FLT1: variants seen among roughly 807,000 people sequenced by gnomAD.
The protein encoded by FLT1 is vascular endothelial growth factor receptor 1.
A neutral mutation model predicts 156.3 loss-of-function variants in FLT1; 49 were observed. The ratio of observed to expected loss-of-function variants is 0.31; its 90% CI spans 0.25 to 0.40. The LOEUF is 0.40. FLT1 is among the 10% of genes least tolerant of loss of function. FLT1 has a pLI of 1.00. For missense variants in FLT1, 1,322 were observed against 1,637.2 expected, an observed-to-expected ratio of 0.81 and a Z score of 3.32; for synonymous variants, 594 against 583.8, an observed-to-expected ratio of 1.02 and a Z score of -0.25.
At chr13:28,432,127 C>T (rs1158153533) in intron 6 of FLT1, among the ~76,000 whole-genome samples, 1 of 151,796 alleles carries the variant, frequency 6.6e-6, no homozygotes, top group South Asian at 2.1e-4. Flanking sequence ...TTTTTAAGCA[C>T]TATATTTTAT....
rs374690670 is a variant in FLT1, at chr13:28,402,940, C to T, written c.1551+2840G>A. On this transcript the variant is annotated intron_variant, in intron 11 of 29. Coordinates refer to ENST00000282397, the MANE Select transcript of FLT1 (RefSeq NM_002019.4). ...GAGTAGCTGGGATTACCACTACGCCCGGCTAATTTTTGTATTGCTAGTAGA... is the reference window on the plus strand; with the variant it reads ...GAGTAGCTGGGATTACCACTACGCCTGGCTAATTTTTGTATTGCTAGTAGA... 3.5e-4 allele frequency among the ~76,000 whole-genome samples: 53 copies of T among 152,116 alleles called. No individual in the cohort carries two copies. In the East Asian group the frequency reaches 7.1e-3, roughly 21 times the overall value.
chr13:28,305,229 A>G (rs950533503), intron 29 of FLT1, among the ~76,000 whole-genome samples: 2 of 152,070 alleles, frequency 1.3e-5, no homozygotes, highest in South Asian at 2.1e-4. Context: ...GTGGTATCTT[A>G]TGGTAATTTC....
chr13:28,472,989 C>A, intron 1 of FLT1, among the ~76,000 whole-genome samples: 1 of 152,030 alleles, frequency 6.6e-6, no homozygotes, highest in East Asian at 1.9e-4. Flanking sequence ...GACCAATAAG[C>A]CCATGAAAAG....
intron 25 of FLT1, among the ~76,000 whole-genome samples, chr13:28,317,258 C>A (rs1419584565): frequency 6.6e-6 from 1 of 152,200 alleles, no homozygotes; most frequent in Non-Finnish European, 1.5e-5. Flanking sequence ...CTTGAAAAGT[C>A]ATGTCAGTGG....
chr13:28,451,174 G>A (rs1878911995), intron 3 of FLT1, among the ~76,000 whole-genome samples: 1 of 152,204 alleles, frequency 6.6e-6, no homozygotes, highest in Non-Finnish European at 1.5e-5. Context: ...TGTCATCCTA[G>A]CACTTTGGGA....
In FLT1 at chr13:28,302,124, A is replaced by T. The variant is rs778003196; in HGVS notation, c.*1043T>A. On this transcript the variant is annotated 3_prime_UTR_variant, in exon 30 of 30. Transcript: ENST00000282397. ...TTTTCCTCCATCAGCCCTCGTTTTG[A>T]TATGGAGAAAACTCCTCTCCTCAGG... 3.1e-5 allele frequency: 7 copies of T among 225,974 alleles called. No homozygotes were observed. Among genetic ancestry groups the T allele is most frequent in the Non-Finnish European group, 5.1e-5 (6 of 117,478 alleles). 14.0% of individuals were successfully genotyped at this position (225,974 alleles called of 1,614,324 possible).
Position 28,322,813 on chromosome 13 carries a change from A to C in FLT1, c.2930T>G (p.Leu977Arg). Residue 977 changes from leucine to arginine, a missense_variant, in exon 21 of 30, where the codon CTG becomes CGG. By Grantham distance (102) the Leu-to-Arg change is moderately radical. This residue lies in a region of FLT1 where 991 missense variants were observed against 1,254.8 expected (regional missense o/e 0.79). Coordinates refer to ENST00000282397, the MANE Select transcript of FLT1 (RefSeq NM_002019.4). This position sits in a 1 kb window ranked among gnomAD's most constrained non-coding sequence, Gnocchi z 4.3. ...ASSGFQEDKS[L>R]SDVEEEEDSD... ...ACCCTCCTCTTCCTCAACATCACTCAGACTTTTATCTTCCTGAAAGCCGGA... is the reference window on the plus strand; with the variant it reads ...ACCCTCCTCTTCCTCAACATCACTCCGACTTTTATCTTCCTGAAAGCCGGA... 1 of 1,614,132 alleles carries C rather than the reference A, an allele frequency of 6.2e-7. No homozygotes were observed. The highest frequency in any genetic ancestry group is 8.5e-7 in the Non-Finnish European group (1 of 1,180,032).
chr13:28,325,413 C>A (rs906553640), intron 20 of FLT1, among the ~76,000 whole-genome samples: 3 of 152,200 alleles, frequency 2.0e-5, no homozygotes, highest in Admixed American at 1.3e-4. Flanking sequence ...TCTGACTTCA[C>A]CTCATGGTAG....
chr13:28,453,767 T>C (rs1358941114), intron 3 of FLT1, among the ~76,000 whole-genome samples: 1 of 152,224 alleles, frequency 6.6e-6, no homozygotes, highest in Non-Finnish European at 1.5e-5. Context: ...AAGACTAATA[T>C]ACTTAAAAAT....
At chr13:28,482,145 T>C (rs1880889112) in intron 1 of FLT1, among the ~76,000 whole-genome samples, 1 of 152,192 alleles carries the variant, frequency 6.6e-6, no homozygotes, top group Non-Finnish European at 1.5e-5. Flanking sequence ...TTTTTCCTCA[T>C]GCAGTTGTGG....
Position 28,309,253 on chromosome 13 carries a change from A to G in FLT1, c.3636-326T>C, listed in dbSNP as rs61763565. Among the ~76,000 whole-genome samples the G allele has an allele frequency of 3.3e-3, 498 of 152,280 alleles. 2 individuals are homozygous for G. The highest frequency in any genetic ancestry group is 0.012 in the African/African-American group (481 of 41,556). ...CTGAGTGCCCAATGGCACAGGAGAG[A>G]AATGATGTGCAGGGAAGTGGTATGA... On this transcript the variant is annotated intron_variant, in intron 27 of 29. Coordinates refer to ENST00000282397, the MANE Select transcript of FLT1 (RefSeq NM_002019.4).
At chr13:28,363,469 C>T (rs144951733) in intron 14 of FLT1, among the ~76,000 whole-genome samples, 151 of 152,220 alleles carry the variant, frequency 9.9e-4, no homozygotes, top group African/African-American at 3.1e-3. Context: ...TTTCCACATG[C>T]ATGTTTTTGT....
At chr13:28,324,028 T>G (rs943081427) in intron 20 of FLT1, among the ~76,000 whole-genome samples, 3 of 152,228 alleles carry the variant, frequency 2.0e-5, no homozygotes, top group African/African-American at 7.2e-5. Flanking sequence ...ACCTTACTTT[T>G]CTGAGTTTAA....
intron 22 of FLT1, among the ~76,000 whole-genome samples, chr13:28,321,905 T>C (rs976820440): frequency 5.3e-5 from 8 of 152,254 alleles, no homozygotes; most frequent in Non-Finnish European, 8.8e-5. Flanking sequence ...TTTCTCCAGC[T>C]GCAGTTTTGT....
At chr13:28,478,014 A>AT (rs1880646634) in intron 1 of FLT1, among the ~76,000 whole-genome samples, 1 of 152,136 alleles carries the variant, frequency 6.6e-6, no homozygotes, top group Non-Finnish European at 1.5e-5. Context: ...TAGTTTGTTA[A>AT]TTTTTTATCA....
chr13:28,462,287 A>G (rs1184554400), intron 3 of FLT1, among the ~76,000 whole-genome samples: 2 of 152,186 alleles, frequency 1.3e-5, no homozygotes, highest in African/African-American at 2.4e-5. Flanking sequence ...AATATTTTCA[A>G]TGAAATCCTC....
intron 15 of FLT1, among the ~76,000 whole-genome samples, chr13:28,353,011 A>T (rs538351762): frequency 2.6e-5 from 4 of 152,316 alleles, no homozygotes; most frequent in African/African-American, 9.6e-5. Context: ...GATTTAATTT[A>T]TTAGGGAACA....
intron 3 of FLT1, among the ~76,000 whole-genome samples, chr13:28,441,376 T>C (rs150541265): frequency 1.6e-3 from 236 of 152,244 alleles, no homozygotes; most frequent in African/African-American, 5.5e-3. Context: ...TTGCTTCCTC[T>C]CATTCCTGCT....
At position 28,447,015 on chromosome 13, in the gene FLT1, T is replaced by C. The variant is rs548095496; in HGVS notation, c.389-8670A>G. Among the ~76,000 whole-genome samples, 59 of 152,080 alleles carry C rather than the reference T, an allele frequency of 3.9e-4. 1 individual carries two copies. In the South Asian group the frequency reaches 0.012, roughly 32 times the overall value. On this transcript the variant is annotated intron_variant, in intron 3 of 29. Coordinates refer to ENST00000282397, the MANE Select transcript of FLT1 (RefSeq NM_002019.4). Reference sequence around the variant, plus strand: ...GGCCACTTGATTTTCAAGGAGACCATTCAGTGGGGAAAGAATAATCTTTTC... The same window carrying C: ...GGCCACTTGATTTTCAAGGAGACCACTCAGTGGGGAAAGAATAATCTTTTC...
Sources: allele counts gnomAD v4.1 joint callset (sites outside exome capture counted in the v4.1 genomes callset), GRCh38; gene constraint gnomAD v4.1.1; regional missense constraint gnomAD v4.1.1; non-coding constraint Gnocchi (gnomAD v3.1); transcripts MANE v1.5; gene names NCBI Gene and HGNC (gene_info 2026-07-23, HGNC 2026-07-21).